The following DNAH9 variants were observed in gnomAD, a reference collection of about 807,000 sequenced individuals.
DNAH9 encodes dynein axonemal heavy chain 9.
Under a neutral mutation model 471.6 loss-of-function variants are expected in DNAH9, and 345 were observed. The ratio of observed to expected loss-of-function variants is 0.73; its 90% CI spans 0.67 to 0.80. DNAH9 has a LOEUF of 0.80. Ranked by LOEUF, DNAH9 falls within the 30% of genes least tolerant of loss-of-function variation. The probability of loss-of-function intolerance (pLI) is 0.00; values close to 1 mark genes in which losing one functional copy is unlikely to be tolerated. For missense variants in DNAH9, 5,407 were observed against 5,609.2 expected (o/e 0.96, Z 1.15); for synonymous variants, 2,093 against 2,123.6 (o/e 0.99, Z 0.40).
intron 67 of DNAH9, among the ~76,000 whole-genome samples, chr17:11,951,815 C>T (rs1270450633): frequency 2.7e-5 from 4 of 150,454 alleles, no homozygotes; most frequent in East Asian, 2.0e-4. Context: ...CCCAGCTACT[C>T]GGGAGGCTGA....
At chr17:11,607,790 G>A (rs533959377) in intron 1 of DNAH9, among the ~76,000 whole-genome samples, 14 of 152,094 alleles carry the variant, frequency 9.2e-5, no homozygotes, top group Admixed American at 6.5e-4. Context: ...GGCTGGTCTC[G>A]AACTCCCGAC....
chr17:11,880,141 G>A lies in DNAH9; in HGVS notation c.10542G>A (p.Glu3514=). Residue 3514 remains glutamate, a synonymous_variant, in exon 54 of 69, where the codon GAG becomes GAA. Transcript: ENST00000262442. The part of the protein sequence containing the change: ...AGAVVLIENL[E]ESIDPVLGPL... ...CTGTGGTGCTGATTGAAAATCTAGAGGAGTCCATTGATCCTGTTCTGGGAC... is the reference window on the plus strand; with the variant it reads ...CTGTGGTGCTGATTGAAAATCTAGAAGAGTCCATTGATCCTGTTCTGGGAC... 6.2e-7 allele frequency: 1 copy of A among 1,614,030 alleles called. No individual in the cohort carries two copies. The highest frequency in any genetic ancestry group is 8.5e-7 in the Non-Finnish European group (1 of 1,179,962).
rs536660860 is a variant in DNAH9 at position 11,863,189 on chromosome 17, C to A, written c.9934-5945C>A. 5.0e-3 allele frequency among the ~76,000 whole-genome samples: 756 copies of A among 152,232 alleles called. 4 individuals are homozygous for A. Among genetic ancestry groups the A allele is most frequent in the Non-Finnish European group, 8.7e-3 (595 of 68,026 alleles). ...AGATAGCTGTTATTATTTTGAGATA[C>A]GTCCCATCAATACCTAATTTATTGA... is the stretch of plus-strand genomic sequence containing the variant. On this transcript the variant is annotated intron_variant, in intron 50 of 68. Coordinates refer to ENST00000262442, the MANE Select transcript of DNAH9 (RefSeq NM_001372.4).
At chr17:11,859,957 T>G (rs1971783023) in intron 50 of DNAH9, among the ~76,000 whole-genome samples, 1 of 152,174 alleles carries the variant, frequency 6.6e-6, no homozygotes, top group Non-Finnish European at 1.5e-5. Flanking sequence ...ATGACACTCT[T>G]ACCCCTGCCT....
At chr17:11,930,765 C>CAAAAAAAAAAAAAAAAAAAAAAAAAAAA (rs11371438) in intron 63 of DNAH9, among the ~76,000 whole-genome samples, 1 of 125,216 alleles carries the variant, frequency 8.0e-6, no homozygotes, top group African/African-American at 3.2e-5. Flanking sequence ...ACTCCATCTC[C>CAAAAAAAAAAAAAAAAAAAAAAAAAAAA]AAAAAAAAAA....
chr17:11,921,993 T>C (rs1174358428), intron 61 of DNAH9, among the ~76,000 whole-genome samples: 1 of 152,168 alleles, frequency 6.6e-6, no homozygotes, highest in Non-Finnish European at 1.5e-5. Flanking sequence ...GTCCCAACAC[T>C]TTTTATCCTG....
At chr17:11,926,919 G>A (rs1646392754) in intron 62 of DNAH9, among the ~76,000 whole-genome samples, 1 of 152,154 alleles carries the variant, frequency 6.6e-6, no homozygotes, top group South Asian at 2.1e-4. Context: ...ACCAGCATCT[G>A]TTGTTTCTTG....
intron 38 of DNAH9, among the ~76,000 whole-genome samples, chr17:11,779,822 T>A (rs1274042436): frequency 2.0e-5 from 3 of 152,226 alleles, no homozygotes; most frequent in Non-Finnish European, 4.4e-5. Flanking sequence ...GTTAATTGGA[T>A]GCTAATTAAA....
chr17:11,888,857 G>T (rs1293557563), intron 57 of DNAH9, among the ~76,000 whole-genome samples: 1 of 152,164 alleles, frequency 6.6e-6, no homozygotes, highest in Non-Finnish European at 1.5e-5. Flanking sequence ...GAAAGAAGAG[G>T]CATTCTCAGA....
chr17:11,941,377 T>C (rs1239918832), intron 66 of DNAH9, among the ~76,000 whole-genome samples: 1 of 152,162 alleles, frequency 6.6e-6, no homozygotes, highest in Non-Finnish European at 1.5e-5. Flanking sequence ...GTGTGGTCTA[T>C]TATGTCTGCA....
At chr17:11,743,760 A>T (rs2150838228) in intron 30 of DNAH9, among the ~76,000 whole-genome samples, 1 of 151,788 alleles carries the variant, frequency 6.6e-6, no homozygotes, top group African/African-American at 2.4e-5. Flanking sequence ...TCCTTAGGGA[A>T]GTCTGATCCA....
chr17:11,679,743 T>G lies in DNAH9; in HGVS notation c.3354-14T>G. On this transcript the variant is annotated splice_polypyrimidine_tract_variant and intron_variant, in intron 17 of 68. Coordinates refer to ENST00000262442, the MANE Select transcript of DNAH9 (RefSeq NM_001372.4). ...AACGAGAATGGTTCCTCATGTTCTG[T>G]TTGTGTTGATTAGCTTGGCCAACCT... 5 of 1,563,772 alleles carry G rather than the reference T, an allele frequency of 3.2e-6. No individual in the cohort carries two copies. The highest frequency in any genetic ancestry group is 4.4e-6 in the Non-Finnish European group (5 of 1,134,150).
chr17:11,761,006 T>C (rs1189890999), intron 35 of DNAH9, among the ~76,000 whole-genome samples: 2 of 152,252 alleles, frequency 1.3e-5, no homozygotes, highest in African/African-American at 2.4e-5. Context: ...TGTCAACAGA[T>C]AATAATTTTT....
At chr17:11,919,277 C>T (rs1479673310) in intron 61 of DNAH9, among the ~76,000 whole-genome samples, 1 of 151,940 alleles carries the variant, frequency 6.6e-6, no homozygotes, top group Admixed American at 6.6e-5. Context: ...GAGCAGATCA[C>T]AAGGTCAGGA....
At chr17:11,694,265 T>C in intron 21 of DNAH9, 56 bp from the exon 22 acceptor site, 1 of 1,586,514 alleles carries the variant, frequency 6.3e-7, no homozygotes, top group African/African-American at 1.3e-5. Context: ...GTAATGTATG[T>C]GTATCCATGG....
chr17:11,897,560 T>C (rs1349542631), intron 59 of DNAH9, among the ~76,000 whole-genome samples: 1 of 152,192 alleles, frequency 6.6e-6, no homozygotes, highest in African/African-American at 2.4e-5. Flanking sequence ...GAAAATAAGT[T>C]TGTTCTGTAA....
In DNAH9 at chr17:11,962,451, A is replaced by C. The variant is rs565529946; in HGVS notation, c.13233+195A>C. Among the ~76,000 whole-genome samples, 14 of 152,328 alleles carry C rather than the reference A, an allele frequency of 9.2e-5. No individual in the cohort carries two copies. The South Asian group carries it at 2.7e-3, about 29-fold the overall frequency. On this transcript the variant is annotated intron_variant, in intron 68 of 68. Coordinates refer to ENST00000262442, the MANE Select transcript of DNAH9 (RefSeq NM_001372.4). This position sits in a 1 kb window ranked among gnomAD's most constrained non-coding sequence, Gnocchi z 4.1. ...AGCGTAAGTTTTGCAGAGGCAGTAGAGTGGAGAGGTTAATAGCAAGGGCTT... is the reference window on the plus strand; with the variant it reads ...AGCGTAAGTTTTGCAGAGGCAGTAGCGTGGAGAGGTTAATAGCAAGGGCTT...
At position 11,640,251 on chromosome 17, in the gene DNAH9, G is replaced by A. The variant is rs749816639; in HGVS notation, c.1787-19G>A. 6.7e-5 allele frequency: 104 copies of A among 1,551,676 alleles called. No homozygotes were observed. The highest frequency in any genetic ancestry group is 9.1e-5 in the Non-Finnish European group (103 of 1,125,974). ...AGGTGCTCTAGACTCATTTCGGTCT[G>A]TCTGTGCCATGTCTCCAGGGTTCTC... On this transcript the variant is annotated intron_variant, in intron 9 of 68. Transcript: ENST00000262442.
At chr17:11,804,346 T>C (rs1277790847) in intron 43 of DNAH9, among the ~76,000 whole-genome samples, 1 of 152,218 alleles carries the variant, frequency 6.6e-6, no homozygotes, top group African/African-American at 2.4e-5. Context: ...AATATTTGTA[T>C]ATCTGAAACA....
Sources: gnomAD v4.1 joint callset for allele counts (sites outside exome capture counted in the v4.1 genomes callset) on GRCh38, gnomAD v4.1.1 for gene constraint, Gnocchi (gnomAD v3.1) non-coding constraint, MANE v1.5 for transcripts, NCBI Gene and HGNC (gene_info 2026-07-23, HGNC 2026-07-21) for gene names.